Variants in FRG1 observed in about 807,000 individuals in gnomAD.
The protein encoded by FRG1 is FSHD region gene 1, also known as protein FRG1.
Under a neutral mutation model 37.0 loss-of-function variants are expected in FRG1, and 19 were observed. That is an observed-to-expected ratio of 0.51 (90% CI 0.36 to 0.75). The LOEUF (loss-of-function observed/expected upper bound fraction) is 0.75. Ranked by LOEUF, FRG1 falls within the 30% of genes least tolerant of loss-of-function variation. The pLI, the probability that FRG1 is intolerant of heterozygous loss-of-function variation, is 0.00. For synonymous variants in FRG1, 73 were observed against 96.5 expected (o/e 0.76, Z 1.43); for missense variants, 243 against 301.4 (o/e 0.81, Z 1.44).
At chr4:189,943,324 TCTC>T (rs1443216628) in intron 2 of FRG1, 52 bp downstream of exon 2, 8 of 1,571,514 alleles carry the variant, frequency 5.1e-6, no homozygotes, top group Non-Finnish European at 6.0e-6. Flanking sequence ...TTTCTTGAGA[TCTC>T]CTTGAAAGTG....
At chr4:189,959,211 C>A (rs1320775786) in intron 6 of FRG1, among the ~76,000 whole-genome samples, 1 of 152,102 alleles carries the variant, frequency 6.6e-6, no homozygotes, top group African/African-American at 2.4e-5. Context: ...AATTTCAAAT[C>A]TAAAGCTCAA....
chr4:189,961,760 T>G, intron 7 of FRG1, 62 bp from the exon 8 acceptor site: 2 of 716,262 alleles, frequency 2.8e-6, no homozygotes, highest in Non-Finnish European at 2.4e-6. Flanking sequence ...TTTATAAATT[T>G]AATAGTAAAT....
chr4:189,952,711 T>TA (rs1307919111), intron 3 of FRG1, among the ~76,000 whole-genome samples: 1 of 151,630 alleles, frequency 6.6e-6, no homozygotes, highest in Non-Finnish European at 1.5e-5. Flanking sequence ...AATTAGAAGA[T>TA]AAAAAGCAGT....
chr4:189,946,178 G>A (rs1385825682), intron 2 of FRG1, among the ~76,000 whole-genome samples: 3 of 151,914 alleles, frequency 2.0e-5, no homozygotes, highest in Admixed American at 2.0e-4. Flanking sequence ...TTCTTTACAA[G>A]ATCATTTATT....
At chr4:189,945,432 C>T (rs1736485790) in intron 2 of FRG1, among the ~76,000 whole-genome samples, 1 of 152,168 alleles carries the variant, frequency 6.6e-6, no homozygotes, top group South Asian at 2.1e-4. Context: ...CCTTTTAAAA[C>T]TTTGTTTCTT....
intron 7 of FRG1, 187 bp downstream of exon 7, chr4:189,961,026 A>G: frequency 1.7e-6 from 1 of 578,938 alleles, no homozygotes; most frequent in South Asian, 2.2e-5. Context: ...TCTGATCACC[A>G]CTGCCTTCCA....
At chr4:189,958,264 A>G (rs1331770899) in intron 6 of FRG1, among the ~76,000 whole-genome samples, 1 of 152,120 alleles carries the variant, frequency 6.6e-6, no homozygotes, top group Non-Finnish European at 1.5e-5. Flanking sequence ...AGTACATAAC[A>G]TTGAATATGC....
chr4:189,951,415 G>A (rs74708395), intron 2 of FRG1, among the ~76,000 whole-genome samples: 1 of 151,658 alleles, frequency 6.6e-6, no homozygotes, highest in Non-Finnish European at 1.5e-5. Flanking sequence ...GTTTGAACCC[G>A]GGAGGCAGAG....
At chr4:189,953,458 A>G (rs1736848468) in intron 4 of FRG1, among the ~76,000 whole-genome samples, 1 of 152,168 alleles carries the variant, frequency 6.6e-6, no homozygotes, top group African/African-American at 2.4e-5. Flanking sequence ...GGCAAACAGG[A>G]AGACTAAAAA....
intron 8 of FRG1, among the ~76,000 whole-genome samples, chr4:189,962,884 A>G (rs974538905): frequency 2.2e-4 from 34 of 152,334 alleles, no homozygotes; most frequent in African/African-American, 7.7e-4. Flanking sequence ...CCCTTAGGCA[A>G]CATTTATTGA....
rs371613681 is a variant in FRG1 at position 189,952,085 on chromosome 4, T to C, written c.134-77T>C. On this transcript the variant is annotated intron_variant, in intron 2 of 8. Coordinates refer to ENST00000226798, the MANE Select transcript of FRG1 (RefSeq NM_004477.3). Reference sequence around the variant, plus strand: ...ACTGCAAAATAAGAAGTTTTTAAAATTAAGTTATAATAACAAAAAAAAGAA... The same window carrying C: ...ACTGCAAAATAAGAAGTTTTTAAAACTAAGTTATAATAACAAAAAAAAGAA... 5.7e-6 allele frequency: 6 copies of C among 1,047,140 alleles called. No individual in the cohort carries two copies. In the East Asian group the frequency reaches 1.5e-4, roughly 27 times the overall value. 64.9% of individuals were successfully genotyped at this position (1,047,140 alleles called of 1,614,324 possible).
chr4:189,943,105 A>C, intron 1 of FRG1, 97 bp from the exon 2 acceptor site: 2 of 1,322,706 alleles, frequency 1.5e-6, no homozygotes, highest in South Asian at 3.3e-5. Context: ...ATAATTTATA[A>C]ATGAAACAGC....
intron 2 of FRG1, among the ~76,000 whole-genome samples, chr4:189,948,826 G>A (rs1736637709): frequency 6.6e-6 from 1 of 152,298 alleles, no homozygotes; most frequent in Non-Finnish European, 1.5e-5. Context: ...GAGTAGCTGG[G>A]ACCACAGGCT....
chr4:189,959,593 A>G (rs1737141971), intron 6 of FRG1, among the ~76,000 whole-genome samples: 1 of 152,248 alleles, frequency 6.6e-6, no homozygotes, highest in African/African-American at 2.4e-5. Context: ...ATTTTATTGT[A>G]TCATGTTTAA....
intron 1 of FRG1, among the ~76,000 whole-genome samples, chr4:189,941,356 G>A (rs4145516): frequency 0.3 from 45,428 of 152,126 alleles, 6,885 homozygotes; most frequent in Middle Eastern, 0.43. Context: ...CCAGGCCTCT[G>A]CCTGGGGGGT....
At chr4:189,947,783 G>A (rs1561065999) in intron 2 of FRG1, among the ~76,000 whole-genome samples, 1 of 152,188 alleles carries the variant, frequency 6.6e-6, no homozygotes, top group South Asian at 2.1e-4. Flanking sequence ...CTCTTCTCCA[G>A]TACCTTATTC....
At chr4:189,956,224 G>A (rs920849434) in intron 5 of FRG1, among the ~76,000 whole-genome samples, 10 of 150,724 alleles carry the variant, frequency 6.6e-5, no homozygotes, top group African/African-American at 9.8e-5. Flanking sequence ...TCCTTCCCCC[G>A]CCCCCCATAC....
At chr4:189,944,941 A>C (rs13121836) in intron 2 of FRG1, among the ~76,000 whole-genome samples, 44,025 of 151,970 alleles carry the variant, frequency 0.29, 6,487 homozygotes, top group Middle Eastern at 0.43. Flanking sequence ...GGAGATCAAC[A>C]TCTTAATATT....
intron 4 of FRG1, among the ~76,000 whole-genome samples, chr4:189,953,347 AT>A (rs1736842654): frequency 1.3e-5 from 2 of 152,142 alleles, no homozygotes; most frequent in Admixed American, 1.3e-4. Context: ...AAGATTAATA[AT>A]TTCACATACC....
Sources: allele counts gnomAD v4.1 joint callset (sites outside exome capture counted in the v4.1 genomes callset), GRCh38; gene constraint gnomAD v4.1.1; transcripts MANE v1.5; gene names NCBI Gene and HGNC (gene_info 2026-07-23, HGNC 2026-07-21).